Variants in SNX18 observed in about 807,000 individuals in gnomAD.
The protein encoded by SNX18 is sorting nexin-18.
A neutral mutation model predicts 48.7 loss-of-function variants in SNX18; 35 were observed. The observed-to-expected ratio is 0.72, with a 90% confidence interval of 0.55 to 0.95. SNX18 has a LOEUF of 0.95. SNX18 is among the 40% of genes least tolerant of loss of function. The pLI is 0.00. For synonymous variants in SNX18, 492 were observed against 384.7 expected (o/e 1.28, Z -3.26); for missense variants, 824 against 871.0 (o/e 0.95, Z 0.68).
the SNX18 span, among the ~76,000 whole-genome samples, chr5:54,601,956 A>T: frequency 6.6e-6 from 1 of 152,284 alleles, no homozygotes; most frequent in Non-Finnish European, 1.5e-5. Flanking sequence ...ACACGTCTGG[A>T]GTTTTTCATA....
chr5:54,632,867 G>A, the SNX18 span, among the ~76,000 whole-genome samples: 4 of 151,858 alleles, frequency 2.6e-5, no homozygotes, highest in Non-Finnish European at 5.9e-5. Context: ...TCTGCCTCCC[G>A]GGGTTCAAGT....
chr5:54,592,080 G>A, the SNX18 span, among the ~76,000 whole-genome samples: 62 of 152,238 alleles, frequency 4.1e-4, no homozygotes, highest in African/African-American at 1.2e-3. Context: ...CAAATGTGAT[G>A]GCAACATATC....
At position 54,545,096 on chromosome 5, in the gene SNX18, A is replaced by G. The variant is rs957988976; in HGVS notation, c.*1664A>G. ...GTTGTATTTTTAAGATCAGATTATC[A>G]TTTTGATATTTGGTCAAAATTTTGT... On this transcript the variant is annotated 3_prime_UTR_variant, in exon 2 of 2. Coordinates refer to ENST00000381410, the MANE Select transcript of SNX18 (RefSeq NM_001102575.2). 1 of 152,204 alleles carries G rather than the reference A, an allele frequency of 6.6e-6. No homozygotes were observed. The highest frequency in any genetic ancestry group is 1.5e-5 in the Non-Finnish European group (1 of 68,020). 9.4% of individuals were successfully genotyped at this position (152,204 alleles called of 1,614,324 possible).
chr5:54,572,775 T>C, the SNX18 span, among the ~76,000 whole-genome samples: 1 of 8,704 alleles, frequency 1.1e-4, no homozygotes, highest in Non-Finnish European at 2.5e-4. Flanking sequence ...TATATATATA[T>C]TTTTTTTTTT....
At chr5:54,582,001 T>C in the SNX18 span, among the ~76,000 whole-genome samples, 2 of 152,170 alleles carry the variant, frequency 1.3e-5, no homozygotes, top group South Asian at 4.1e-4. Flanking sequence ...GAGTTTCATC[T>C]GGAATATGAG....
the SNX18 span, among the ~76,000 whole-genome samples, chr5:54,561,402 G>T: frequency 6.6e-6 from 1 of 151,312 alleles, no homozygotes; most frequent in East Asian, 2.0e-4. Flanking sequence ...AGTCTGGGGT[G>T]CAGTGGCTTA....
chr5:54,616,546 G>T, the SNX18 span, among the ~76,000 whole-genome samples: 2 of 152,146 alleles, frequency 1.3e-5, no homozygotes, highest in Non-Finnish European at 2.9e-5. Flanking sequence ...GCTGAGGCAG[G>T]TGGATCACCT....
At chr5:54,627,200 G>T in the SNX18 span, among the ~76,000 whole-genome samples, 2 of 152,080 alleles carry the variant, frequency 1.3e-5, no homozygotes, top group South Asian at 2.1e-4. Flanking sequence ...TAACAATGAG[G>T]GACTTTTGTT....
At chr5:54,611,659 G>A in the SNX18 span, among the ~76,000 whole-genome samples, 1 of 152,262 alleles carries the variant, frequency 6.6e-6, no homozygotes, top group East Asian at 1.9e-4. Context: ...ATATTTCCAA[G>A]AGGTTTCAGT....
the SNX18 span, among the ~76,000 whole-genome samples, chr5:54,610,503 CAG>C: frequency 6.6e-6 from 1 of 152,202 alleles, no homozygotes; most frequent in Non-Finnish European, 1.5e-5. Flanking sequence ...GATTTACAAG[CAG>C]AGTTTTCCGC....
At chr5:54,642,496 A>G in the SNX18 span, among the ~76,000 whole-genome samples, 101,722 of 151,802 alleles carry the variant, frequency 0.67, 34,190 homozygotes, top group East Asian at 0.72. Flanking sequence ...ACTTCTTGCC[A>G]AACAGGGTCA....
chr5:54,563,920 T>C, the SNX18 span, among the ~76,000 whole-genome samples: 1 of 152,048 alleles, frequency 6.6e-6, no homozygotes, highest in Non-Finnish European at 1.5e-5. Flanking sequence ...ATTTTTATAA[T>C]TGAAGTCAGA....
intron 1 of SNX18, among the ~76,000 whole-genome samples, chr5:54,528,988 T>C (rs1762200223): frequency 6.6e-6 from 1 of 152,186 alleles, no homozygotes; most frequent in Admixed American, 6.5e-5. Context: ...ATGCTTTTGA[T>C]GTGCTGCTGG....
the SNX18 span, among the ~76,000 whole-genome samples, chr5:54,596,923 G>A: frequency 6.6e-6 from 1 of 151,508 alleles, no homozygotes; most frequent in Non-Finnish European, 1.5e-5. Flanking sequence ...AGATGCAGAT[G>A]AGTGGATCAA....
the SNX18 span, among the ~76,000 whole-genome samples, chr5:54,554,342 G>A: frequency 2.6e-5 from 4 of 152,304 alleles, no homozygotes; most frequent in Non-Finnish European, 5.9e-5. Flanking sequence ...AGAACGTGAA[G>A]GGGGGCTTTG....
At chr5:54,626,712 C>T in the SNX18 span, among the ~76,000 whole-genome samples, 1 of 152,222 alleles carries the variant, frequency 6.6e-6, no homozygotes, top group Non-Finnish European at 1.5e-5. Flanking sequence ...ACCCTCTACA[C>T]ATCCTAAAAT....
At chr5:54,612,012 G>C in the SNX18 span, among the ~76,000 whole-genome samples, 4 of 152,194 alleles carry the variant, frequency 2.6e-5, no homozygotes, top group South Asian at 8.3e-4. Flanking sequence ...CAAGTAGCTA[G>C]GACTACAAGT....
In SNX18 at chr5:54,545,483, A is replaced by G. The variant is rs1762561088; in HGVS notation, c.*2051A>G. 1 of 151,992 alleles carries G rather than the reference A, an allele frequency of 6.6e-6. No homozygotes were observed. The highest frequency in any genetic ancestry group is 2.4e-5 in the African/African-American group (1 of 41,370). The allele number at this position is 151,992 out of a possible 1,614,324, so 9.4% of individuals were successfully genotyped here. ...ATGGAAATTATCTGAGGTATATTGT[A>G]TGATTGTACTTTAGCCAGGGTGGAC... On this transcript the variant is annotated 3_prime_UTR_variant, in exon 2 of 2. Coordinates refer to ENST00000381410, the MANE Select transcript of SNX18 (RefSeq NM_001102575.2).
Position 54,519,200 on chromosome 5 carries a change from C to G in SNX18, c.1248C>G (p.Ala416=), listed in dbSNP as rs1170752348. 6.2e-7 allele frequency: 1 copy of G among 1,613,996 alleles called. No homozygotes were observed. Among genetic ancestry groups the G allele is most frequent in the Non-Finnish European group, 8.5e-7 (1 of 1,179,950 alleles). The change falls in exon 1 of 2, where the codon GCC becomes GCG. Residue 416 remains alanine, a synonymous_variant. Coordinates refer to ENST00000381410, the MANE Select transcript of SNX18 (RefSeq NM_001102575.2). ...TCCTGACCCTTAGCACGCCCCCCGCCGCTGCCCTTGACCTGCAGGAGGTGG... is the reference window on the plus strand; with the variant it reads ...TCCTGACCCTTAGCACGCCCCCCGCGGCTGCCCTTGACCTGCAGGAGGTGG... ...NFFLTLSTPP[A]AALDLQEVES...
Sources: allele counts gnomAD v4.1 joint callset (sites outside exome capture counted in the v4.1 genomes callset), GRCh38; gene constraint gnomAD v4.1.1; transcripts MANE v1.5; gene names NCBI Gene and HGNC (gene_info 2026-07-23, HGNC 2026-07-21).